The following HIVEP3 variants were observed in gnomAD, a reference collection of about 807,000 sequenced individuals.
HIVEP3 encodes transcription factor HIVEP3.
Under a neutral mutation model 152.8 loss-of-function variants are expected in HIVEP3, and 49 were observed. The ratio of observed to expected loss-of-function variants is 0.32; its 90% CI spans 0.26 to 0.41. The LOEUF is 0.41. HIVEP3 is among the 10% of genes least tolerant of loss of function. The pLI is 1.00. For missense variants in HIVEP3, 2,790 were observed against 3,103.3 expected (o/e 0.90, Z 2.40); for synonymous variants, 1,269 against 1,289.0 (o/e 0.98, Z 0.33).
intron 1 of HIVEP3, among the ~76,000 whole-genome samples, chr1:41,937,113 C>A (rs12127818): frequency 0.15 from 22,485 of 152,156 alleles, 1,787 homozygotes; most frequent in Admixed American, 0.24. Context: ...CCAGAGATAA[C>A]CTCCATTAAC....
In HIVEP3 at chr1:41,662,351, G is replaced by C. The variant is rs1219286400; in HGVS notation, c.-720-33404C>G. The C allele has an allele frequency of 6.9e-6, 1 of 145,832 alleles. No homozygotes were observed. Among genetic ancestry groups the C allele is most frequent in the Non-Finnish European group, 1.5e-5 (1 of 65,758 alleles). 9.0% of individuals were successfully genotyped at this position (145,832 alleles called of 1,614,324 possible). ...GCTGGCGGGCGGGCGCCGGCGGCGG[G>C]CGCGGCTCCGGGCCGCCCCGCGGCC... On this transcript the variant is annotated intron_variant, in intron 2 of 8. Coordinates refer to ENST00000372583, the MANE Select transcript of HIVEP3 (RefSeq NM_024503.5). This position sits in a 1 kb window ranked among gnomAD's most constrained non-coding sequence, Gnocchi z 7.2.
At chr1:41,819,192 C>A (rs904297281) in intron 1 of HIVEP3, among the ~76,000 whole-genome samples, 1 of 152,036 alleles carries the variant, frequency 6.6e-6, no homozygotes, top group Non-Finnish European at 1.5e-5. Flanking sequence ...GTGTTGAAAT[C>A]TTTCAAATAT....
chr1:41,634,996 A>G (rs1645248216), intron 2 of HIVEP3, among the ~76,000 whole-genome samples: 1 of 152,216 alleles, frequency 6.6e-6, no homozygotes. Context: ...CTTCATATAC[A>G]TTCAAGAAAT....
chr1:41,894,178 A>ACATATTAG (rs925393881), intron 1 of HIVEP3, among the ~76,000 whole-genome samples: 4 of 152,164 alleles, frequency 2.6e-5, no homozygotes, highest in African/African-American at 9.7e-5. Context: ...CACTATTCAA[A>ACATATTAG]GCAGTTCATA....
intron 5 of HIVEP3, among the ~76,000 whole-genome samples, chr1:41,526,838 C>T (rs759558123): frequency 2.1e-5 from 3 of 145,238 alleles, no homozygotes; most frequent in African/African-American, 7.7e-5. Context: ...CCCTCACACC[C>T]GTTCACACAC....
chr1:41,902,983 T>C (rs1644651077), intron 1 of HIVEP3, among the ~76,000 whole-genome samples: 1 of 152,202 alleles, frequency 6.6e-6, no homozygotes, highest in Admixed American at 6.5e-5. Flanking sequence ...TATTTAGAAA[T>C]ACTTAGAAGT....
intron 2 of HIVEP3, among the ~76,000 whole-genome samples, chr1:41,649,693 C>T (rs1247153448): frequency 6.6e-6 from 1 of 152,140 alleles, no homozygotes; most frequent in Non-Finnish European, 1.5e-5. Context: ...GGGTCATGCC[C>T]AGTGGCTCAG....
intron 1 of HIVEP3, among the ~76,000 whole-genome samples, chr1:42,002,692 A>G (rs1464521272): frequency 2.0e-5 from 3 of 152,180 alleles, no homozygotes; most frequent in African/African-American, 7.2e-5. Context: ...AACTGCCTCC[A>G]AGGGCCAGTC....
At chr1:41,896,010 C>T (rs561094055) in intron 1 of HIVEP3, among the ~76,000 whole-genome samples, 1 of 152,334 alleles carries the variant, frequency 6.6e-6, no homozygotes, top group Non-Finnish European at 1.5e-5. Context: ...ACATATTACA[C>T]ACTGAGTGAC....
chr1:41,829,474 T>G lies in HIVEP3; in HGVS notation c.-801+88939A>C, dbSNP rs150612109. On this transcript the variant is annotated intron_variant, in intron 1 of 8. Coordinates refer to ENST00000372583, the MANE Select transcript of HIVEP3 (RefSeq NM_024503.5). ...GATATAAATCCAGACCAGCGGCCATTAGACAGACAAACAGAAACCTCTGTG... is the reference window on the plus strand; with the variant it reads ...GATATAAATCCAGACCAGCGGCCATGAGACAGACAAACAGAAACCTCTGTG... Among the ~76,000 whole-genome samples the G allele has an allele frequency of 2.2e-3, 332 of 152,254 alleles. 3 individuals carry two copies. The highest frequency in any genetic ancestry group is 7.7e-3 in the African/African-American group (318 of 41,552).
chr1:41,736,454 T>C (rs1646921296), intron 1 of HIVEP3, among the ~76,000 whole-genome samples: 1 of 152,014 alleles, frequency 6.6e-6, no homozygotes, highest in African/African-American at 2.4e-5. Context: ...AGAAGGAAGG[T>C]AGGGCCACTG....
Position 41,518,408 on chromosome 1 carries a change from C to T in HIVEP3, c.5464G>A (p.Glu1822Lys), listed in dbSNP as rs149032863. 2.1e-4 allele frequency: 336 copies of T among 1,613,996 alleles called. 1 individual carries two copies. The African/African-American group carries it at 3.6e-3, about 17-fold the overall frequency. ...GAAGGTTGGCAATTGTTACCTTCTTCGGCTTCCAGCTCCTCCAGCACCCCT... is the reference window on the plus strand; with the variant it reads ...GAAGGTTGGCAATTGTTACCTTCTTTGGCTTCCAGCTCCTCCAGCACCCCT... Reference protein sequence around the residue: ...ETGVLEELEAEEGTSDDLFQD... With the variant: ...ETGVLEELEAKEGTSDDLFQD... The change falls in exon 7 of 9, where the codon GAA becomes AAA. Residue 1822 changes from glutamate (E) to lysine (K), a missense_variant. This residue lies in a region of HIVEP3 where 816 missense variants were observed against 806.5 expected (regional missense o/e 1.01). Transcript: ENST00000372583.
intron 1 of HIVEP3, among the ~76,000 whole-genome samples, chr1:41,971,992 A>G (rs1298992616): frequency 1.3e-5 from 2 of 152,142 alleles, no homozygotes; most frequent in African/African-American, 4.8e-5. Context: ...CTCACCAGAC[A>G]CCAAATCTGC....
At chr1:41,968,968 A>G (rs1645214046) in intron 1 of HIVEP3, among the ~76,000 whole-genome samples, 1 of 152,194 alleles carries the variant, frequency 6.6e-6, no homozygotes, top group East Asian at 1.9e-4. Flanking sequence ...AATTGCTACA[A>G]AGAGAATAAA....
At chr1:41,977,159 G>A (rs944995033) in intron 1 of HIVEP3, among the ~76,000 whole-genome samples, 2 of 152,166 alleles carry the variant, frequency 1.3e-5, no homozygotes, top group Non-Finnish European at 2.9e-5. Context: ...TTATAACAGC[G>A]TGAGTGGACT....
chr1:41,567,179 G>C (rs1246471974), intron 5 of HIVEP3, among the ~76,000 whole-genome samples: 1 of 152,136 alleles, frequency 6.6e-6, no homozygotes, highest in East Asian at 1.9e-4. Context: ...CTACTCAGTG[G>C]TTACTACAAG....
intron 1 of HIVEP3, among the ~76,000 whole-genome samples, chr1:41,730,440 T>C (rs1355858020): frequency 6.6e-6 from 1 of 152,204 alleles, no homozygotes; most frequent in Non-Finnish European, 1.5e-5. Context: ...CCAGTGCTCC[T>C]AGCCCCACCC....
At chr1:41,820,773 C>T (rs1029981710) in intron 1 of HIVEP3, among the ~76,000 whole-genome samples, 5 of 152,168 alleles carry the variant, frequency 3.3e-5, no homozygotes, top group African/African-American at 4.8e-5. Flanking sequence ...GTTAGCTCCA[C>T]GAAGGAGGAT....
intron 2 of HIVEP3, among the ~76,000 whole-genome samples, chr1:41,661,261 A>G (rs1645707661): frequency 6.6e-6 from 1 of 152,200 alleles, no homozygotes; most frequent in African/African-American, 2.4e-5. Flanking sequence ...CAATCAATAC[A>G]TTATATTTTT....
Sources: allele counts gnomAD v4.1 joint callset (sites outside exome capture counted in the v4.1 genomes callset), GRCh38; gene constraint gnomAD v4.1.1; regional missense constraint gnomAD v4.1.1; non-coding constraint Gnocchi (gnomAD v3.1); transcripts MANE v1.5; gene names NCBI Gene and HGNC (gene_info 2026-07-23, HGNC 2026-07-21).